CRACD: variants seen among roughly 807,000 people sequenced by gnomAD.
The protein encoded by CRACD is capping protein inhibiting regulator of actin dynamics.
CRACD carries 56 observed loss-of-function variants against 106.8 expected under a neutral mutation model. That is an observed-to-expected ratio of 0.52 (90% CI 0.42 to 0.66). The LOEUF (loss-of-function observed/expected upper bound fraction) is 0.66. CRACD is among the 30% of genes least tolerant of loss of function. CRACD has a pLI of 0.00. For synonymous variants in CRACD, 754 were observed against 670.8 expected, an observed-to-expected ratio of 1.12 and a Z score of -1.92; for missense variants, 1,730 against 1,623.2, an observed-to-expected ratio of 1.07 and a Z score of -1.13.
In CRACD at chr4:56,328,653, C is replaced by A; in HGVS notation, c.*849C>A. The stretch of plus-strand genomic sequence containing the variant: ...CCTCCTAGGGCCTACTCAATCAGAG[C>A]CTGTGGGGACTGGGCCAGGAATATG... On this transcript the variant is annotated 3_prime_UTR_variant, in exon 11 of 11. Coordinates refer to ENST00000682029, the MANE Select transcript of CRACD (RefSeq NM_001393381.1). 1 of 246,592 alleles carries A rather than the reference C, an allele frequency of 4.1e-6. No individual in the cohort carries two copies. The highest frequency in any genetic ancestry group is 8.1e-6 in the Non-Finnish European group (1 of 124,112). The allele number at this position is 246,592 out of a possible 1,614,324, so 15.3% of individuals were successfully genotyped here. A position where few individuals can be genotyped will look rare whatever the true frequency, so the allele number is the denominator to read the frequency against.
Position 56,314,538 on chromosome 4 carries a change from C to A in CRACD, c.1036C>A (p.Arg346=). The A allele has an allele frequency of 6.6e-7, 1 of 1,506,758 alleles. No homozygotes were observed. Among genetic ancestry groups the A allele is most frequent in the Non-Finnish European group, 8.8e-7 (1 of 1,130,792 alleles). The allele number at this position is 1,506,758 out of a possible 1,614,324, so 93.3% of individuals were successfully genotyped here. ...GGACGCCAGGCTGGAGGAGCGGAGG[C>A]GGCAGGAGGAGGAGGAAGGAAGATG... ...EEDARLEERR[R]QEEEEGRCAE... Residue 346 remains arginine (R), a synonymous_variant, in exon 8 of 11, where the codon CGG becomes AGG. Transcript: ENST00000682029. The surrounding 1 kb of genome is among the most constrained non-coding windows in gnomAD (Gnocchi z 4.4).
chr4:56,308,677 C>A, intron 5 of CRACD: 1 of 812,056 alleles, frequency 1.2e-6, no homozygotes, highest in Non-Finnish European at 1.5e-6. Flanking sequence ...ACATTCCTCC[C>A]CTGTTGCCCA....
At chr4:56,133,819 T>A (rs1439638356) in intron 1 of CRACD, among the ~76,000 whole-genome samples, 1 of 152,156 alleles carries the variant, frequency 6.6e-6, no homozygotes, top group East Asian at 1.9e-4. Flanking sequence ...GTAGAATAAA[T>A]ACCATGGAAG....
At chr4:56,050,257 C>T (rs907479926) in intron 1 of CRACD, among the ~76,000 whole-genome samples, 1 of 143,292 alleles carries the variant, frequency 7.0e-6, no homozygotes, top group Non-Finnish European at 1.5e-5. Flanking sequence ...GGAAACTGAT[C>T]TGGTGTAGGT....
chr4:56,313,089 TG>T, intron 6 of CRACD, 107 bp from the exon 7 acceptor site: 1 of 962,518 alleles, frequency 1.0e-6, no homozygotes, highest in Non-Finnish European at 1.6e-6. Context: ...CTGCATTCCC[TG>T]GGCCAGGCTG....
intron 1 of CRACD, among the ~76,000 whole-genome samples, chr4:56,081,140 G>A (rs1733007327): frequency 1.3e-5 from 2 of 152,208 alleles, no homozygotes; most frequent in Admixed American, 6.5e-5. Flanking sequence ...TTATAGGCAT[G>A]AGCCCCTGAT....
chr4:56,326,995 C>T (rs184930543), intron 10 of CRACD, among the ~76,000 whole-genome samples: 276 of 152,232 alleles, frequency 1.8e-3, no homozygotes, highest in African/African-American at 6.2e-3. Context: ...CCTCCTTGAC[C>T]TCCCAAAGTG....
At chr4:56,205,912 G>A (rs1738102681) in intron 2 of CRACD, among the ~76,000 whole-genome samples, 2 of 152,206 alleles carry the variant, frequency 1.3e-5, no homozygotes, top group African/African-American at 4.8e-5. Context: ...TGGACTTAGA[G>A]ATATTCTGTG....
In CRACD at chr4:56,316,689, G is replaced by A; in HGVS notation, c.3187G>A (p.Glu1063Lys). 3 of 1,604,024 alleles carry A rather than the reference G, an allele frequency of 1.9e-6. No homozygotes were observed. The highest frequency in any genetic ancestry group is 2.6e-6 in the Non-Finnish European group (3 of 1,173,588). Residue 1063 changes from glutamate (E) to lysine (K), a missense_variant and splice_region_variant, in exon 8 of 11, where the codon GAG becomes AAG. Coordinates refer to ENST00000682029, the MANE Select transcript of CRACD (RefSeq NM_001393381.1). Reference sequence around the variant, plus strand: ...TCAAACACCCGAGGCCGGGAGGAAAGGTAGGTAGCTGCAGGGTGGGTAACT... The same window carrying A: ...TCAAACACCCGAGGCCGGGAGGAAAAGTAGGTAGCTGCAGGGTGGGTAACT... ...PSQTPEAGRKEKPMLQSRHSL... is the reference protein window; with the variant it reads ...PSQTPEAGRKKKPMLQSRHSL...
intron 1 of CRACD, among the ~76,000 whole-genome samples, chr4:56,132,694 T>C (rs749813551): frequency 4.6e-5 from 7 of 152,146 alleles, no homozygotes; most frequent in Non-Finnish European, 1.0e-4. Flanking sequence ...GGTTTCTGTA[T>C]AAATTGACCA....
At chr4:56,145,196 T>A (rs1735339912) in intron 1 of CRACD, among the ~76,000 whole-genome samples, 1 of 152,308 alleles carries the variant, frequency 6.6e-6, no homozygotes, top group Admixed American at 6.5e-5. Context: ...TTCCAAGTGC[T>A]CCATATTCAT....
At chr4:56,303,321 C>T (rs935865226) in intron 4 of CRACD, among the ~76,000 whole-genome samples, 12 of 149,218 alleles carry the variant, frequency 8.0e-5, no homozygotes, top group Admixed American at 6.7e-5. Flanking sequence ...ACTCCAGACT[C>T]GGTGACAGAG....
rs538525112 is a variant in CRACD, at chr4:56,178,696, C to T, written c.-335-588C>T. Among the ~76,000 whole-genome samples the T allele has an allele frequency of 3.3e-5, 5 of 152,322 alleles. No individual in the cohort carries two copies. The South Asian group carries it at 1.0e-3, about 32-fold the overall frequency. ...TGCCCCAGAATGTTGTCTTGTTTCACAGAGCTTTGCAAAGGGCCTGTGTTA... is the reference window on the plus strand; with the variant it reads ...TGCCCCAGAATGTTGTCTTGTTTCATAGAGCTTTGCAAAGGGCCTGTGTTA... On this transcript the variant is annotated intron_variant, in intron 1 of 10. Coordinates refer to ENST00000682029, the MANE Select transcript of CRACD (RefSeq NM_001393381.1).
chr4:56,158,689 T>C (rs781363222), intron 1 of CRACD, among the ~76,000 whole-genome samples: 1 of 152,184 alleles, frequency 6.6e-6, no homozygotes, highest in Non-Finnish European at 1.5e-5. Context: ...AGAATGTGTG[T>C]CACAAGGTGA....
intron 1 of CRACD, among the ~76,000 whole-genome samples, chr4:56,133,734 T>G (rs1560460416): frequency 6.6e-6 from 1 of 152,232 alleles, no homozygotes; most frequent in Non-Finnish European, 1.5e-5. Flanking sequence ...TATGATTTAG[T>G]TCTTTCCCGT....
intron 2 of CRACD, among the ~76,000 whole-genome samples, chr4:56,225,567 C>T (rs1461718190): frequency 6.6e-6 from 1 of 152,064 alleles, no homozygotes; most frequent in Admixed American, 6.6e-5. Context: ...TTCCATATTT[C>T]TCTTTCCCCA....
intron 1 of CRACD, among the ~76,000 whole-genome samples, chr4:56,132,140 C>T (rs1468024391): frequency 6.6e-6 from 1 of 152,076 alleles, no homozygotes; most frequent in African/African-American, 2.4e-5. Flanking sequence ...ACCTTCCAGG[C>T]TCAAGCAGTC....
intron 2 of CRACD, among the ~76,000 whole-genome samples, chr4:56,236,187 G>C (rs1739959394): frequency 6.6e-6 from 1 of 152,068 alleles, no homozygotes; most frequent in Admixed American, 6.6e-5. Context: ...ACTTTGGAGA[G>C]AAAAACATGC....
chr4:56,316,958 C>G (rs1745716156), intron 8 of CRACD, among the ~76,000 whole-genome samples: 2 of 152,062 alleles, frequency 1.3e-5, no homozygotes, highest in African/African-American at 4.8e-5. Context: ...ACATTAGCCA[C>G]GTAGGTCGTG....
Sources: gnomAD v4.1 joint callset for allele counts (sites outside exome capture counted in the v4.1 genomes callset) on GRCh38, gnomAD v4.1.1 for gene constraint, Gnocchi (gnomAD v3.1) non-coding constraint, MANE v1.5 for transcripts, NCBI Gene and HGNC (gene_info 2026-07-23, HGNC 2026-07-21) for gene names.